KLHL29: variants seen among roughly 807,000 people sequenced by gnomAD.
The protein encoded by KLHL29 is kelch like family member 29, also known as kelch-like protein 29.
In KLHL29, 21 loss-of-function variants were observed where a neutral mutation model predicts 80.4. The ratio of observed to expected loss-of-function variants is 0.26; its 90% CI spans 0.19 to 0.38. The LOEUF (loss-of-function observed/expected upper bound fraction) is 0.38. KLHL29 is among the 10% of genes least tolerant of loss of function. KLHL29 has a pLI of 1.00. For missense variants in KLHL29, 867 were observed against 1,223.9 expected (o/e 0.71, Z 4.35); for synonymous variants, 511 against 526.8 (o/e 0.97, Z 0.41).
chr2:23,526,902 C>T (rs1002738648), intron 2 of KLHL29, among the ~76,000 whole-genome samples: 4 of 152,170 alleles, frequency 2.6e-5, no homozygotes, highest in Non-Finnish European at 4.4e-5. Flanking sequence ...CCAGCAGAGC[C>T]GGGTGTTAAA....
intron 1 of KLHL29, among the ~76,000 whole-genome samples, chr2:23,404,190 T>G (rs1666670079): frequency 6.6e-6 from 1 of 152,182 alleles, no homozygotes; most frequent in Non-Finnish European, 1.5e-5. Flanking sequence ...ATAATTTTAT[T>G]ATTTTCAATT....
At chr2:23,597,751 T>A (rs1432082073) in intron 3 of KLHL29, among the ~76,000 whole-genome samples, 6 of 152,070 alleles carry the variant, frequency 3.9e-5, no homozygotes, top group Non-Finnish European at 2.9e-5. Context: ...AAAATGAGGC[T>A]CTGTAAGGTT....
intron 1 of KLHL29, among the ~76,000 whole-genome samples, chr2:23,422,927 T>G (rs546478458): frequency 1.3e-4 from 20 of 152,372 alleles, no homozygotes; most frequent in African/African-American, 4.6e-4. Flanking sequence ...ATCCAGTCAC[T>G]CGCCCACACC....
intron 1 of KLHL29, among the ~76,000 whole-genome samples, chr2:23,445,206 C>G (rs1663637471): frequency 6.6e-6 from 1 of 152,166 alleles, no homozygotes; most frequent in African/African-American, 2.4e-5. Context: ...ATACAGTAAC[C>G]TCATAGAAAT....
intron 3 of KLHL29, among the ~76,000 whole-genome samples, chr2:23,586,332 C>T (rs1668117391): frequency 6.7e-6 from 1 of 150,254 alleles, no homozygotes; most frequent in South Asian, 2.1e-4. Context: ...AGAGCAGCCT[C>T]CCCCCCATTC....
chr2:23,411,791 T>C (rs1034945266), intron 1 of KLHL29, among the ~76,000 whole-genome samples: 9 of 152,142 alleles, frequency 5.9e-5, no homozygotes, highest in Non-Finnish European at 1.2e-4. Flanking sequence ...CTCCTCGGGC[T>C]CTTTTGGCAG....
chr2:23,418,348 C>T (rs1184437811), intron 1 of KLHL29, among the ~76,000 whole-genome samples: 2 of 152,172 alleles, frequency 1.3e-5, no homozygotes, highest in African/African-American at 4.8e-5. Flanking sequence ...TGTCCCAAGG[C>T]TGGCAATCCC....
intron 1 of KLHL29, among the ~76,000 whole-genome samples, chr2:23,423,823 A>G (rs528385082): frequency 6.6e-6 from 1 of 152,310 alleles, no homozygotes; most frequent in Non-Finnish European, 1.5e-5. Flanking sequence ...ATGTGTCCGC[A>G]TAGGCCAGGC....
chr2:23,464,795 G>A (rs750165072), intron 1 of KLHL29, among the ~76,000 whole-genome samples: 10 of 152,114 alleles, frequency 6.6e-5, no homozygotes, highest in Non-Finnish European at 1.5e-4. Flanking sequence ...ATTTCTTATG[G>A]TCAGGAAGTT....
intron 3 of KLHL29, among the ~76,000 whole-genome samples, chr2:23,611,048 T>C (rs12476219): frequency 0.18 from 26,643 of 151,976 alleles, 3,049 homozygotes; most frequent in Admixed American, 0.3. Context: ...TAATAAGTGC[T>C]GGCGAGTTCC....
Position 23,575,099 on chromosome 2 carries a change from C to T in KLHL29, c.285+12618C>T, listed in dbSNP as rs1273364884. On this transcript the variant is annotated intron_variant, in intron 3 of 13. Transcript: ENST00000486442. ...CCATTTGCTCCTCCCCCAACAGCAG[C>T]AGCTCTGCAGGCTCGGAGCTGCCTG... Among the ~76,000 whole-genome samples, 4 of 152,330 alleles carry T rather than the reference C, an allele frequency of 2.6e-5. 1 individual carries two copies. Among genetic ancestry groups the T allele is most frequent in the South Asian group, 2.1e-4 (1 of 4,824 alleles).
intron 2 of KLHL29, among the ~76,000 whole-genome samples, chr2:23,537,196 G>A (rs1050279026): frequency 6.6e-6 from 1 of 152,162 alleles, no homozygotes; most frequent in African/African-American, 2.4e-5. Context: ...GGCTAATTCA[G>A]TTGGTGGGTG....
intron 1 of KLHL29, among the ~76,000 whole-genome samples, chr2:23,436,280 TTGTGTGTGTG>T (rs57931176): frequency 0.23 from 31,509 of 136,898 alleles, 3,789 homozygotes; most frequent in Admixed American, 0.3. Context: ...CCAATCAGCT[TTGTGTGTGTG>T]TGTGTGTGTG....
At chr2:23,526,645 C>T (rs1051669199) in intron 2 of KLHL29, among the ~76,000 whole-genome samples, 3 of 152,146 alleles carry the variant, frequency 2.0e-5, no homozygotes, top group African/African-American at 2.4e-5. Flanking sequence ...CAGCAGCAGC[C>T]GTGGGTCCAG....
chr2:23,393,517 A>T (rs2103383890), intron 1 of KLHL29, among the ~76,000 whole-genome samples: 1 of 152,310 alleles, frequency 6.6e-6, no homozygotes, highest in Non-Finnish European at 1.5e-5. Context: ...CAGATTTCAA[A>T]ATTTGTAGTA....
intron 2 of KLHL29, among the ~76,000 whole-genome samples, chr2:23,481,643 C>A (rs951425778): frequency 6.6e-6 from 1 of 152,002 alleles, no homozygotes; most frequent in East Asian, 1.9e-4. Flanking sequence ...GGGCTGAGAG[C>A]GGTGGCTGAC....
rs10679555 is a variant in KLHL29, at chr2:23,455,001, T to TGG, written c.-153-20550_-153-20549dup. On this transcript the variant is annotated intron_variant, in intron 1 of 13. Transcript: ENST00000486442. ...ACTCGTAGAAACAGGAACAGTGGGT[T>TGG]GGGGGGGGGGCATTTATTTCTCTCG... Among the ~76,000 whole-genome samples the TGG allele has an allele frequency of 9.3e-3, 1,180 of 126,716 alleles. 1 individual carries two copies. Among genetic ancestry groups the TGG allele is most frequent in the Middle Eastern group, 0.019 (5 of 266 alleles). 83.1% of individuals were successfully genotyped at this position (126,716 alleles called of 152,430 possible).
intron 3 of KLHL29, among the ~76,000 whole-genome samples, chr2:23,622,142 T>G (rs972730254): frequency 2.6e-5 from 4 of 152,122 alleles, no homozygotes; most frequent in African/African-American, 9.7e-5. Context: ...AAACTGAGGC[T>G]CAGAGACATT....
At chr2:23,454,002 C>T (rs377281210) in intron 1 of KLHL29, among the ~76,000 whole-genome samples, 11 of 152,144 alleles carry the variant, frequency 7.2e-5, no homozygotes, top group African/African-American at 1.9e-4. Flanking sequence ...ACCCAAGGTC[C>T]GCTTGCTGAC....
Sources: gnomAD v4.1 joint callset for allele counts (sites outside exome capture counted in the v4.1 genomes callset) on GRCh38, gnomAD v4.1.1 for gene constraint, MANE v1.5 for transcripts, NCBI Gene and HGNC (gene_info 2026-07-23, HGNC 2026-07-21) for gene names.